LEO1: variants seen among roughly 807,000 people sequenced by gnomAD.
LEO1 encodes the protein LEO1 component of Paf1/RNA polymerase II complex.
In LEO1, 34 loss-of-function variants were observed where a neutral mutation model predicts 80.4. The observed-to-expected ratio is 0.42, with a 90% confidence interval of 0.32 to 0.56. The LOEUF is 0.56. LEO1 is among the 20% of genes least tolerant of loss of function. The probability of loss-of-function intolerance (pLI) is 0.10; values close to 1 mark genes in which losing one functional copy is unlikely to be tolerated. For missense variants in LEO1, 631 were observed against 814.2 expected, an observed-to-expected ratio of 0.77 and a Z score of 2.74; for synonymous variants, 262 against 274.9, an observed-to-expected ratio of 0.95 and a Z score of 0.46.
In LEO1 at chr15:51,965,862, T is replaced by G. The variant is rs376639956; in HGVS notation, c.701A>C (p.Gln234Pro). Residue 234 changes from glutamine to proline, a missense_variant, in exon 2 of 12, where the codon CAA becomes CCA. Physicochemically the swap from Gln to Pro is moderately conservative, Grantham distance 76. Coordinates refer to ENST00000299601, the MANE Select transcript of LEO1 (RefSeq NM_138792.4). ...TTTCTCTTCATCAGACAGCTGTGGTTGTTCTTCATCATCAGAATTCTGTTT... is the reference window on the plus strand; with the variant it reads ...TTTCTCTTCATCAGACAGCTGTGGTGGTTCTTCATCATCAGAATTCTGTTT... ...DEKQNSDDEE[Q>P]PQLSDEEKMQ... The G allele has an allele frequency of 3.2e-5, 51 of 1,614,156 alleles. No homozygotes were observed. Among genetic ancestry groups the G allele is most frequent in the Non-Finnish European group, 4.0e-5 (47 of 1,180,022 alleles).
intron 6 of LEO1, 125 bp from the exon 7 acceptor site, chr15:51,954,700 A>G (rs1595938236): frequency 1.5e-6 from 1 of 667,698 alleles, no homozygotes; most frequent in Non-Finnish European, 2.7e-6. Flanking sequence ...GTGTGGCAGG[A>G]GAATGAACAA....
chr15:51,964,688 G>A (rs2057061035), intron 2 of LEO1, among the ~76,000 whole-genome samples: 1 of 152,110 alleles, frequency 6.6e-6, no homozygotes, highest in African/African-American at 2.4e-5. Flanking sequence ...TCTGAATCCT[G>A]TCCTGTGAGG....
intron 2 of LEO1, among the ~76,000 whole-genome samples, chr15:51,964,240 AG>A (rs951685566): frequency 3.3e-5 from 5 of 151,974 alleles, no homozygotes; most frequent in Non-Finnish European, 7.4e-5. Context: ...TGTCCTTTGC[AG>A]GGACATGAGG....
chr15:51,940,041 G>T (rs1258073021), intron 11 of LEO1, among the ~76,000 whole-genome samples: 1 of 152,000 alleles, frequency 6.6e-6, no homozygotes, highest in African/African-American at 2.4e-5. Flanking sequence ...AGATCACGAG[G>T]TCAGGAGTTT....
intron 11 of LEO1, among the ~76,000 whole-genome samples, chr15:51,942,948 A>G (rs2056867475): frequency 6.7e-6 from 1 of 149,996 alleles, no homozygotes; most frequent in African/African-American, 2.5e-5. Context: ...CCAAAAAAAA[A>G]ACAACAAACA....
At chr15:51,960,829 A>G in intron 3 of LEO1, 96 bp from the exon 4 acceptor site, 3 of 728,094 alleles carry the variant, frequency 4.1e-6, no homozygotes, top group Non-Finnish European at 7.2e-6. Context: ...TTTCTGGACC[A>G]GCATCAGAAA....
chr15:51,946,691 C>A (rs987605354), intron 11 of LEO1, among the ~76,000 whole-genome samples: 2 of 151,946 alleles, frequency 1.3e-5, no homozygotes, highest in Non-Finnish European at 2.9e-5. Flanking sequence ...CAGGCACACA[C>A]CACTACATCC....
chr15:51,942,212 T>G (rs567710486), intron 11 of LEO1, among the ~76,000 whole-genome samples: 1 of 151,808 alleles, frequency 6.6e-6, no homozygotes, highest in South Asian at 2.1e-4. Flanking sequence ...ATGGCAGGGG[T>G]TGAGAGGTCC....
intron 3 of LEO1, among the ~76,000 whole-genome samples, chr15:51,961,888 G>A (rs1011333883): frequency 1.3e-5 from 2 of 151,568 alleles, no homozygotes; most frequent in African/African-American, 4.8e-5. Context: ...CAGACTGGGC[G>A]CAGTGATTCA....
chr15:51,952,046 C>T (rs764964070), intron 8 of LEO1, 67 bp from the exon 9 acceptor site: 9 of 1,447,268 alleles, frequency 6.2e-6, no homozygotes, highest in South Asian at 1.3e-5. Context: ...GTGATACCCA[C>T]GTCACAGAAG....
At chr15:51,964,778 G>A (rs898037431) in intron 2 of LEO1, among the ~76,000 whole-genome samples, 1 of 152,190 alleles carries the variant, frequency 6.6e-6, no homozygotes, top group Admixed American at 6.6e-5. Context: ...CTATGGAAAT[G>A]AAGCAATCCA....
intron 9 of LEO1, among the ~76,000 whole-genome samples, chr15:51,951,316 T>C (rs2056946928): frequency 1.3e-5 from 2 of 152,262 alleles, no homozygotes; most frequent in South Asian, 4.1e-4. Context: ...ACATGCTCTA[T>C]CGATTAGGTA....
intron 6 of LEO1, among the ~76,000 whole-genome samples, chr15:51,956,700 C>T (rs776330230): frequency 1.3e-5 from 2 of 152,170 alleles, no homozygotes; most frequent in Non-Finnish European, 2.9e-5. Flanking sequence ...TTAAACATCA[C>T]TCAAGAAAAT....
rs1209327888 is a variant in LEO1 at position 51,971,777 on chromosome 15, G to A, written c.-32C>T. 6.2e-7 allele frequency: 1 copy of A among 1,609,002 alleles called. No homozygotes were observed. The highest frequency in any genetic ancestry group is 1.7e-5 in the Admixed American group (1 of 60,008). ...TCACGTCCGCTGCTGCCTCGGTTAG[G>A]GGCAGCTCCCGGCCTCTCTTTACGG... On this transcript the variant is annotated 5_prime_UTR_variant, in exon 1 of 12. Coordinates refer to ENST00000299601, the MANE Select transcript of LEO1 (RefSeq NM_138792.4).
At chr15:51,953,835 C>T (rs1041481490) in intron 7 of LEO1, among the ~76,000 whole-genome samples, 2 of 151,834 alleles carry the variant, frequency 1.3e-5, no homozygotes, top group East Asian at 1.9e-4. Context: ...CGGTGGTTGA[C>T]GCCTGTAATC....
chr15:51,948,122 GA>G (rs1367261545), intron 10 of LEO1, among the ~76,000 whole-genome samples: 2 of 152,148 alleles, frequency 1.3e-5, no homozygotes, highest in Non-Finnish European at 2.9e-5. Flanking sequence ...GAGAGATGTA[GA>G]GGGGCGCCCA....
intron 1 of LEO1, among the ~76,000 whole-genome samples, chr15:51,970,780 G>C (rs2057116772): frequency 1.3e-5 from 2 of 152,192 alleles, no homozygotes; most frequent in Non-Finnish European, 1.5e-5. Flanking sequence ...ACTTTACTTG[G>C]AGCCTAGAGG....
At chr15:51,958,187 C>G (rs1179229846) in intron 6 of LEO1, among the ~76,000 whole-genome samples, 1 of 151,664 alleles carries the variant, frequency 6.6e-6, no homozygotes, top group Non-Finnish European at 1.5e-5. Context: ...AGTGCAGTAG[C>G]AATCATGCCT....
rs1012152439 is a variant in LEO1 at position 51,948,320 on chromosome 15, G to A, written c.1799-931C>T. ...ATTTTTAATCTCTGGTGACCTGAATGTTACACACCTCTCTCTCTTAAAGCA... is the reference window on the plus strand; with the variant it reads ...ATTTTTAATCTCTGGTGACCTGAATATTACACACCTCTCTCTCTTAAAGCA... On this transcript the variant is annotated intron_variant, in intron 10 of 11. Transcript: ENST00000299601. 7.9e-5 allele frequency among the ~76,000 whole-genome samples: 12 copies of A among 152,156 alleles called. 1 individual carries two copies. The highest frequency in any genetic ancestry group is 7.2e-4 in the Admixed American group (11 of 15,266).
Sources: gnomAD v4.1 joint callset for allele counts (sites outside exome capture counted in the v4.1 genomes callset) on GRCh38, gnomAD v4.1.1 for gene constraint, MANE v1.5 for transcripts, NCBI Gene and HGNC (gene_info 2026-07-23, HGNC 2026-07-21) for gene names.